Variants in GALNT13 observed in about 807,000 individuals in gnomAD.
GALNT13 encodes the protein UDP-GalNAc:polypeptide N-acetylgalactosaminyltransferase 13.
In GALNT13, 28 loss-of-function variants were observed where a neutral mutation model predicts 64.2. That is an observed-to-expected ratio of 0.44 (90% CI 0.32 to 0.60). The LOEUF (loss-of-function observed/expected upper bound fraction) is 0.60. GALNT13 is among the 20% of genes least tolerant of loss of function. The pLI is 0.05. For synonymous variants in GALNT13, 214 were observed against 224.6 expected (o/e 0.95, Z 0.42); for missense variants, 577 against 669.8 (o/e 0.86, Z 1.53).
chr2:154,302,381 A>G (rs1040731205), intron 9 of GALNT13, among the ~76,000 whole-genome samples: 1 of 152,202 alleles, frequency 6.6e-6, no homozygotes, highest in African/African-American at 2.4e-5. Context: ...CATTAGTGTC[A>G]TTATTGTCAT....
At chr2:153,648,193 G>C in the GALNT13 span, among the ~76,000 whole-genome samples, 1 of 152,190 alleles carries the variant, frequency 6.6e-6, no homozygotes, top group African/African-American at 2.4e-5. Context: ...TCGCTTGTAA[G>C]TTGGATTCCT....
At chr2:154,397,553 T>C (rs768506345) in intron 10 of GALNT13, among the ~76,000 whole-genome samples, 2 of 152,206 alleles carry the variant, frequency 1.3e-5, no homozygotes, top group Non-Finnish European at 2.9e-5. Flanking sequence ...TGAAAATGTA[T>C]ATGGTTTAAT....
At chr2:153,635,892 C>T in the GALNT13 span, among the ~76,000 whole-genome samples, 1 of 151,794 alleles carries the variant, frequency 6.6e-6, no homozygotes, top group Non-Finnish European at 1.5e-5. Flanking sequence ...ATTTCAGATG[C>T]TTTGAGGCAG....
chr2:153,882,205 G>T (rs1686832728), intron 1 of GALNT13, among the ~76,000 whole-genome samples: 1 of 151,616 alleles, frequency 6.6e-6, no homozygotes, highest in Admixed American at 6.6e-5. Context: ...GGGGAGGTGG[G>T]TTGGTGGCTT....
intron 3 of GALNT13, among the ~76,000 whole-genome samples, chr2:154,102,285 G>C (rs1377327652): frequency 1.3e-5 from 2 of 152,054 alleles, no homozygotes; most frequent in African/African-American, 2.4e-5. Flanking sequence ...CCACCGCCTG[G>C]CTGGAGGTCA....
chr2:153,988,460 A>T (rs1694952399), intron 3 of GALNT13, among the ~76,000 whole-genome samples: 1 of 151,958 alleles, frequency 6.6e-6, no homozygotes, highest in African/African-American at 2.4e-5. Context: ...CACTTAACAT[A>T]ATGTCCTCCA....
chr2:153,893,569 C>T (rs865840360), intron 1 of GALNT13, among the ~76,000 whole-genome samples: 10 of 151,508 alleles, frequency 6.6e-5, no homozygotes, highest in African/African-American at 2.4e-4. Flanking sequence ...TATATAGGCA[C>T]ATGTATTTAC....
chr2:154,015,832 G>A (rs1374641810), intron 3 of GALNT13, among the ~76,000 whole-genome samples: 4 of 151,938 alleles, frequency 2.6e-5, no homozygotes, highest in South Asian at 2.1e-4. Flanking sequence ...GAAAATCTAC[G>A]TTCTTTCTTT....
chr2:153,625,054 A>G, the GALNT13 span, among the ~76,000 whole-genome samples: 1 of 152,130 alleles, frequency 6.6e-6, no homozygotes, highest in African/African-American at 2.4e-5. Flanking sequence ...AGATCCTAGC[A>G]ATTCTAAAAT....
chr2:153,166,673 T>G, the GALNT13 span, among the ~76,000 whole-genome samples: 4 of 76,076 alleles, frequency 5.3e-5, no homozygotes, highest in South Asian at 4.8e-4. Context: ...GTGTGTGTGA[T>G]GGGACTGTTT....
intron 9 of GALNT13, among the ~76,000 whole-genome samples, chr2:154,364,340 A>G (rs1697241287): frequency 6.6e-6 from 1 of 152,214 alleles, no homozygotes; most frequent in Non-Finnish European, 1.5e-5. Context: ...AAGCATTAAC[A>G]CATTGTGTAA....
the GALNT13 span, among the ~76,000 whole-genome samples, chr2:153,649,964 T>C: frequency 6.6e-6 from 1 of 152,180 alleles, no homozygotes; most frequent in Non-Finnish European, 1.5e-5. Flanking sequence ...GCAGAGTCTG[T>C]AGATGTCTAT....
chr2:154,400,805 C>T (rs1419042628), intron 10 of GALNT13, among the ~76,000 whole-genome samples: 1 of 152,052 alleles, frequency 6.6e-6, no homozygotes, highest in Non-Finnish European at 1.5e-5. Flanking sequence ...TCTTAACTAG[C>T]CCTGAAGCTT....
intron 9 of GALNT13, among the ~76,000 whole-genome samples, chr2:154,332,016 C>T (rs1287698453): frequency 6.6e-6 from 1 of 152,092 alleles, no homozygotes; most frequent in African/African-American, 2.4e-5. Flanking sequence ...GGCTTTAATG[C>T]TGTTGTACTG....
chr2:153,662,507 A>C, the GALNT13 span, among the ~76,000 whole-genome samples: 1 of 152,202 alleles, frequency 6.6e-6, no homozygotes, highest in Non-Finnish European at 1.5e-5. Context: ...TCAGGAAGTC[A>C]AACCTAACAG....
the GALNT13 span, among the ~76,000 whole-genome samples, chr2:153,850,828 G>A: frequency 6.6e-6 from 1 of 152,136 alleles, no homozygotes; most frequent in African/African-American, 2.4e-5. Flanking sequence ...AATAGCAACA[G>A]AAAGTAGAAG....
the GALNT13 span, among the ~76,000 whole-genome samples, chr2:153,515,232 T>C: frequency 3.9e-5 from 6 of 152,162 alleles, no homozygotes; most frequent in African/African-American, 1.4e-4. Flanking sequence ...TGATAGGTCA[T>C]AGAAACCATA....
chr2:153,087,651 C>T, the GALNT13 span, among the ~76,000 whole-genome samples: 1 of 151,654 alleles, frequency 6.6e-6, no homozygotes, highest in African/African-American at 2.4e-5. Flanking sequence ...CATTTCAATT[C>T]ATCCTCTATC....
chr2:153,676,738 CAT>C, the GALNT13 span, among the ~76,000 whole-genome samples: 10 of 152,020 alleles, frequency 6.6e-5, no homozygotes, highest in East Asian at 1.9e-4. Context: ...CAAATGAACA[CAT>C]GTGATTCATC....
Sources: gnomAD v4.1 joint callset for allele counts (sites outside exome capture counted in the v4.1 genomes callset) on GRCh38, gnomAD v4.1.1 for gene constraint, MANE v1.5 for transcripts, NCBI Gene and HGNC (gene_info 2026-07-23, HGNC 2026-07-21) for gene names.